The following GALNTL6 variants were observed in gnomAD, a reference collection of about 807,000 sequenced individuals.
GALNTL6 encodes polypeptide N-acetylgalactosaminyltransferase like 6.
A neutral mutation model predicts 73.7 loss-of-function variants in GALNTL6; 46 were observed. The observed-to-expected ratio is 0.62, with a 90% CI of 0.49 to 0.80. GALNTL6 has a LOEUF of 0.80. Ranked by LOEUF, GALNTL6 falls within the 30% of genes least tolerant of loss-of-function variation. GALNTL6 has a pLI of 0.00. For missense variants in GALNTL6, 604 were observed against 755.0 expected, an observed-to-expected ratio of 0.80 and a Z score of 2.34; for synonymous variants, 259 against 263.7, an observed-to-expected ratio of 0.98 and a Z score of 0.17.
chr4:172,840,932 G>A (rs1013653986), intron 7 of GALNTL6, among the ~76,000 whole-genome samples: 5 of 152,124 alleles, frequency 3.3e-5, no homozygotes, highest in African/African-American at 1.2e-4. Context: ...TTAAAGGCAT[G>A]AGCATTTATG....
In GALNTL6 at chr4:172,202,090, A is replaced by G. The variant is rs993399765; in HGVS notation, c.139-27566A>G. Among the ~76,000 whole-genome samples, 4 of 152,300 alleles carry G rather than the reference A, an allele frequency of 2.6e-5. No homozygotes were observed. The East Asian group carries it at 5.8e-4, about 22-fold the overall frequency. ...GAGTGAGGCATTAGTGAAAAATATC[A>G]TCTCATGTAAATGTAGATATCTTGC... On this transcript the variant is annotated intron_variant, in intron 2 of 12. Transcript: ENST00000506823.
intron 3 of GALNTL6, among the ~76,000 whole-genome samples, chr4:172,234,178 C>T (rs1162320810): frequency 6.6e-6 from 1 of 152,034 alleles, no homozygotes; most frequent in African/African-American, 2.4e-5. Flanking sequence ...TGTAGACACT[C>T]ATATTTGCTA....
At chr4:172,233,305 G>C (rs1827557) in intron 3 of GALNTL6, among the ~76,000 whole-genome samples, 1 of 151,402 alleles carries the variant, frequency 6.6e-6, no homozygotes, top group African/African-American at 2.4e-5. Flanking sequence ...CCTGGAATTC[G>C]AGGCTGCAGT....
At chr4:172,263,407 A>G (rs1738322157) in intron 3 of GALNTL6, among the ~76,000 whole-genome samples, 1 of 151,274 alleles carries the variant, frequency 6.6e-6, no homozygotes, top group Admixed American at 6.6e-5. Flanking sequence ...GTTCTGGTCT[A>G]TTTTTTAAAC....
intron 2 of GALNTL6, among the ~76,000 whole-genome samples, chr4:171,822,377 TC>T (rs1025666172): frequency 1.3e-5 from 2 of 152,166 alleles, no homozygotes; most frequent in African/African-American, 4.8e-5. Flanking sequence ...GTGGGCCTCA[TC>T]CCTTACAGAA....
intron 11 of GALNTL6, among the ~76,000 whole-genome samples, chr4:173,017,553 G>A (rs771376451): frequency 5.9e-5 from 9 of 152,048 alleles, no homozygotes; most frequent in Non-Finnish European, 1.3e-4. Flanking sequence ...AAGATAAATG[G>A]CAATAAGAAG....
chr4:172,072,129 C>T (rs1731561863), intron 2 of GALNTL6, among the ~76,000 whole-genome samples: 1 of 152,208 alleles, frequency 6.6e-6, no homozygotes, highest in Middle Eastern at 3.4e-3. Context: ...ATTATACTTC[C>T]CCTACTCCCC....
intron 2 of GALNTL6, among the ~76,000 whole-genome samples, chr4:171,880,289 T>A (rs941350967): frequency 2.0e-5 from 3 of 152,244 alleles, no homozygotes; most frequent in African/African-American, 7.2e-5. Flanking sequence ...AATAACCAGA[T>A]GCATCCTCTA....
chr4:172,762,293 A>G (rs1246686137), intron 5 of GALNTL6, among the ~76,000 whole-genome samples: 1 of 152,162 alleles, frequency 6.6e-6, no homozygotes, highest in Non-Finnish European at 1.5e-5. Flanking sequence ...TCAAATATTC[A>G]CTTCTTGAGA....
intron 5 of GALNTL6, among the ~76,000 whole-genome samples, chr4:172,491,166 T>C (rs987180689): frequency 5.9e-5 from 9 of 152,140 alleles, no homozygotes; most frequent in African/African-American, 2.2e-4. Context: ...TGAGTTAGTG[T>C]TCCCACACCA....
chr4:172,905,122 A>G (rs987225564), intron 8 of GALNTL6, among the ~76,000 whole-genome samples: 7 of 152,214 alleles, frequency 4.6e-5, no homozygotes, highest in Non-Finnish European at 8.8e-5. Context: ...CATCAAATTT[A>G]ATTTCTTATC....
chr4:172,125,374 T>A (rs1733266302), intron 2 of GALNTL6, among the ~76,000 whole-genome samples: 1 of 152,096 alleles, frequency 6.6e-6, no homozygotes. Context: ...ATGGTTGAAA[T>A]TTTTTTTAAA....
chr4:172,739,743 A>T (rs968948357), intron 5 of GALNTL6, among the ~76,000 whole-genome samples: 3 of 152,162 alleles, frequency 2.0e-5, no homozygotes, highest in African/African-American at 7.2e-5. Flanking sequence ...TCAGCATTTT[A>T]TTACATACTA....
intron 2 of GALNTL6, among the ~76,000 whole-genome samples, chr4:172,042,753 T>A (rs1742117336): frequency 6.6e-6 from 1 of 150,938 alleles, no homozygotes; most frequent in Non-Finnish European, 1.5e-5. Flanking sequence ...TGTCTTTCTC[T>A]GACTATTCTG....
At chr4:172,585,367 G>A (rs55782630) in intron 5 of GALNTL6, among the ~76,000 whole-genome samples, 5,179 of 152,010 alleles carry the variant, frequency 0.034, 234 homozygotes, top group African/African-American at 0.1. Flanking sequence ...TTTATGCCCC[G>A]CATGCATTAG....
At chr4:172,649,705 G>A (rs957607858) in intron 5 of GALNTL6, among the ~76,000 whole-genome samples, 10 of 152,112 alleles carry the variant, frequency 6.6e-5, no homozygotes, top group African/African-American at 2.2e-4. Flanking sequence ...AATTAAGTAC[G>A]AAGTGTAGAT....
At chr4:172,134,875 G>A (rs181223141) in intron 2 of GALNTL6, among the ~76,000 whole-genome samples, 94 of 152,206 alleles carry the variant, frequency 6.2e-4, no homozygotes, top group Middle Eastern at 3.4e-3. Context: ...GGTCTTTGGC[G>A]TGTAAATGAA....
Position 172,456,487 on chromosome 4 carries a change from C to A in GALNTL6, c.553+107798C>A, listed in dbSNP as rs144016748. On this transcript the variant is annotated intron_variant, in intron 5 of 12. Transcript: ENST00000506823. ...TACAAAAATTGCTGATTAGAATAAC[C>A]AGTTTAGAGAAGAACATAAATGACC... is the stretch of plus-strand genomic sequence containing the variant. Among the ~76,000 whole-genome samples the A allele has an allele frequency of 5.4e-3, 819 of 151,450 alleles. 4 individuals are homozygous for A. The highest frequency in any genetic ancestry group is 0.011 in the Admixed American group (172 of 15,218).
At chr4:172,936,015 C>T (rs1446051387) in intron 9 of GALNTL6, among the ~76,000 whole-genome samples, 2 of 152,140 alleles carry the variant, frequency 1.3e-5, no homozygotes, top group South Asian at 2.1e-4. Context: ...TAATGAACAT[C>T]GATGTGAAAA....
Sources: allele counts gnomAD v4.1 joint callset (sites outside exome capture counted in the v4.1 genomes callset), GRCh38; gene constraint gnomAD v4.1.1; transcripts MANE v1.5; gene names NCBI Gene and HGNC (gene_info 2026-07-23, HGNC 2026-07-21).